Variants in FGF5 observed in about 807,000 individuals in gnomAD.
The protein encoded by FGF5 is heparin-binding growth factor 5.
FGF5 carries 23 observed loss-of-function variants against 21.8 expected under a neutral mutation model. The observed-to-expected ratio is 1.05, with a 90% CI of 0.76 to 1.49. The LOEUF (loss-of-function observed/expected upper bound fraction) is 1.49. Ranked by LOEUF, FGF5 falls within the 40% of genes most tolerant of loss-of-function variation. The probability of loss-of-function intolerance (pLI) is 0.00; values close to 1 mark genes in which losing one functional copy is unlikely to be tolerated. For synonymous variants in FGF5, 158 were observed against 124.0 expected (o/e 1.27, Z -1.82); for missense variants, 352 against 332.9 (o/e 1.06, Z -0.45).
chr4:80,279,198 A>G (rs1451361668), intron 2 of FGF5, among the ~76,000 whole-genome samples: 2 of 152,158 alleles, frequency 1.3e-5, no homozygotes, highest in African/African-American at 4.8e-5. Context: ...ACCACTTCCT[A>G]ACTGTGTCAT....
rs773728689 is a variant in FGF5 at position 80,289,974 on chromosome 4, T to C, written c.*3302T>C. ...GGTAAATTTCTTATTAAATCAATCT[T>C]GAAATAGAAAATGTAATAACTTTCT... On this transcript the variant is annotated 3_prime_UTR_variant, in exon 3 of 3. Transcript: ENST00000312465. 3.3e-5 allele frequency: 5 copies of C among 152,178 alleles called. No homozygotes were observed. Among genetic ancestry groups the C allele is most frequent in the Admixed American group, 6.5e-5 (1 of 15,280 alleles). 9.4% of individuals were successfully genotyped at this position (152,178 alleles called of 1,614,324 possible).
Position 80,286,803 on chromosome 4 carries a change from G to A in FGF5, c.*131G>A, listed in dbSNP as rs1001416696. On this transcript the variant is annotated 3_prime_UTR_variant, in exon 3 of 3. Coordinates refer to ENST00000312465, the MANE Select transcript of FGF5 (RefSeq NM_004464.4). ...ACACTGTATTGAAGTCACGTCATTT[G>A]TTTCAATGTGACTGAAACAAAATGT... 2.9e-6 allele frequency: 2 copies of A among 682,620 alleles called. No individual in the cohort carries two copies. Among genetic ancestry groups the A allele is most frequent in the Admixed American group, 2.9e-5 (1 of 34,382 alleles). 42.3% of individuals were successfully genotyped at this position (682,620 alleles called of 1,614,324 possible). A position where few individuals can be genotyped will look rare whatever the true frequency, so the allele number is the denominator to read the frequency against.
intron 2 of FGF5, among the ~76,000 whole-genome samples, chr4:80,284,043 G>T (rs17467234): frequency 0.055 from 8,377 of 152,330 alleles, 318 homozygotes; most frequent in Non-Finnish European, 0.083. Context: ...GTCTTCGAAA[G>T]TGATGTCAGC....
At position 80,266,743 on chromosome 4, in the gene FGF5, C is replaced by G; in HGVS notation, c.-82C>G. On this transcript the variant is annotated 5_prime_UTR_variant, in exon 1 of 3. Transcript: ENST00000312465. ...ACCCGGTGCGGCGAGGCGGGCAGAG[C>G]CAGAGGCACGCAGCCGCACAGGGGC... The G allele has an allele frequency of 3.2e-6, 4 of 1,244,364 alleles. No individual in the cohort carries two copies. Among genetic ancestry groups the G allele is most frequent in the South Asian group, 2.9e-5 (2 of 69,320 alleles). 77.1% of individuals were successfully genotyped at this position (1,244,364 alleles called of 1,614,324 possible).
rs1720873934 is a variant in FGF5 at position 80,290,585 on chromosome 4, T to C, written c.*3913T>C. 6.6e-6 allele frequency: 1 copy of C among 152,068 alleles called. No homozygotes were observed. The highest frequency in any genetic ancestry group is 2.1e-4 in the South Asian group (1 of 4,810). The allele number at this position is 152,068 out of a possible 1,614,324, so 9.4% of individuals were successfully genotyped here. On this transcript the variant is annotated 3_prime_UTR_variant, in exon 3 of 3. Coordinates refer to ENST00000312465, the MANE Select transcript of FGF5 (RefSeq NM_004464.4). ...CAAGTTCTAGGGTACATGTCCACAA[T>C]GCACATGTCTGTCACACATGCACAC...
intron 1 of FGF5, among the ~76,000 whole-genome samples, chr4:80,272,724 G>C (rs1325342622): frequency 6.6e-6 from 1 of 152,058 alleles, no homozygotes; most frequent in Non-Finnish European, 1.5e-5. Context: ...CTAGCACCAT[G>C]AGTAAATTGG....
At chr4:80,281,712 A>G (rs988246978) in intron 2 of FGF5, among the ~76,000 whole-genome samples, 5 of 152,204 alleles carry the variant, frequency 3.3e-5, no homozygotes, top group Non-Finnish European at 5.9e-5. Context: ...GATATTTACT[A>G]AGGAACAAAA....
intron 2 of FGF5, among the ~76,000 whole-genome samples, chr4:80,279,624 T>C (rs576850886): frequency 2.4e-4 from 37 of 152,338 alleles, no homozygotes; most frequent in African/African-American, 7.9e-4. Context: ...GGATTTCCTA[T>C]GGTTATAATC....
intron 1 of FGF5, among the ~76,000 whole-genome samples, chr4:80,267,503 AT>A (rs1210598683): frequency 6.6e-6 from 1 of 152,038 alleles, no homozygotes; most frequent in Non-Finnish European, 1.5e-5. Flanking sequence ...CAAAAAACTC[AT>A]TTCTTCTCAC....
chr4:80,270,246 A>C (rs35596910), intron 1 of FGF5, among the ~76,000 whole-genome samples: 4,240 of 152,360 alleles, frequency 0.028, 166 homozygotes, highest in African/African-American at 0.095. Context: ...CAGAAAAGTC[A>C]AAGCTTTGCC....
chr4:80,278,482 T>C (rs1185826633), intron 2 of FGF5, among the ~76,000 whole-genome samples: 2 of 152,148 alleles, frequency 1.3e-5, no homozygotes, highest in Non-Finnish European at 2.9e-5. Flanking sequence ...TTGTCAATGA[T>C]GAGTTGCATA....
chr4:80,271,992 G>T (rs36022967), intron 1 of FGF5, among the ~76,000 whole-genome samples: 4 of 152,136 alleles, frequency 2.6e-5, no homozygotes, highest in Admixed American at 2.6e-4. Flanking sequence ...TGAACTGTGA[G>T]ACTCATTGAA....
intron 1 of FGF5, among the ~76,000 whole-genome samples, chr4:80,269,868 C>T (rs1720220926): frequency 6.6e-6 from 1 of 151,838 alleles, no homozygotes; most frequent in Non-Finnish European, 1.5e-5. Context: ...TCTGGAGTGT[C>T]TAATACTACT....
chr4:80,273,947 C>T (rs770645428), intron 1 of FGF5, among the ~76,000 whole-genome samples: 3 of 151,952 alleles, frequency 2.0e-5, no homozygotes, highest in Non-Finnish European at 4.4e-5. Flanking sequence ...CATTATAGCT[C>T]TATTGAGCTA....
chr4:80,279,689 A>G (rs377289531), intron 2 of FGF5, among the ~76,000 whole-genome samples: 27 of 152,182 alleles, frequency 1.8e-4, no homozygotes, highest in African/African-American at 6.3e-4. Context: ...TAAATATATA[A>G]ATCTTGGAAA....
chr4:80,274,962 T>G lies in FGF5; in HGVS notation c.409T>G (p.Phe137Val), dbSNP rs139749337. The G allele has an allele frequency of 1.2e-5, 19 of 1,600,796 alleles. No homozygotes were observed. The highest frequency in any genetic ancestry group is 1.6e-5 in the Non-Finnish European group (19 of 1,171,668). ...GGGGATTGTAGGAATACGAGGAGTT[T>G]TCAGCAACAAATTTTTAGCGATGTC... ...SQGIVGIRGV[F>V]SNKFLAMSKK... Residue 137 changes from phenylalanine (F) to valine (V), a missense_variant, in exon 2 of 3, where the codon TTC becomes GTC. By Grantham distance (50) the Phe-to-Val change is conservative. Coordinates refer to ENST00000312465, the MANE Select transcript of FGF5 (RefSeq NM_004464.4).
rs534485783 is a variant in FGF5 at position 80,267,185 on chromosome 4, T to C, written c.355+6T>C. On this transcript the variant is annotated splice_donor_region_variant and intron_variant, in intron 1 of 2. Coordinates refer to ENST00000312465, the MANE Select transcript of FGF5 (RefSeq NM_004464.4). ...CCACGAAGCCAATATGTTAAGTAAG[T>C]TACTCGCTCTCCTACAAAACCCGTC... 1.9e-6 allele frequency: 3 copies of C among 1,586,816 alleles called. No homozygotes were observed. The highest frequency in any genetic ancestry group is 2.7e-5 in the African/African-American group (2 of 74,308).
intron 1 of FGF5, chr4:80,268,615 T>A (rs1720182360): frequency 1.5e-6 from 1 of 673,998 alleles, no homozygotes; most frequent in African/African-American, 1.9e-5. Context: ...TAAGGGGGCC[T>A]AATGCGGAAG....
At chr4:80,285,093 ATTGTTGTAAGTGT>A (rs1278644394) in intron 2 of FGF5, among the ~76,000 whole-genome samples, 3 of 152,148 alleles carry the variant, frequency 2.0e-5, no homozygotes, top group Non-Finnish European at 2.9e-5. Flanking sequence ...TAACAGCCCT[ATTGTTGTAAGTGT>A]TATGGATAAG....
Sources: allele counts gnomAD v4.1 joint callset (sites outside exome capture counted in the v4.1 genomes callset), GRCh38; gene constraint gnomAD v4.1.1; transcripts MANE v1.5; gene names NCBI Gene and HGNC (gene_info 2026-07-23, HGNC 2026-07-21).